The following KCNIP4 variants were observed in gnomAD, a reference collection of about 807,000 sequenced individuals.
KCNIP4 encodes potassium voltage-gated channel interacting protein 4.
Under a neutral mutation model 34.0 loss-of-function variants are expected in KCNIP4, and 12 were observed. That is an observed-to-expected ratio of 0.35 (90% CI 0.23 to 0.57). The LOEUF (loss-of-function observed/expected upper bound fraction) is 0.57, where lower values mean the gene tolerates loss of function less well. KCNIP4 is among the 20% of genes least tolerant of loss of function. KCNIP4 has a pLI of 0.83. For missense variants in KCNIP4, 238 were observed against 311.7 expected (o/e 0.76, Z 1.78); for synonymous variants, 124 against 102.2 (o/e 1.21, Z -1.29).
chr4:20,853,968 GC>G (rs1560516474), intron 2 of KCNIP4, among the ~76,000 whole-genome samples: 1 of 151,872 alleles, frequency 6.6e-6, no homozygotes, highest in Non-Finnish European at 1.5e-5. Flanking sequence ...TCCAACAATG[GC>G]CATAATCAAA....
intron 1 of KCNIP4, among the ~76,000 whole-genome samples, chr4:21,733,979 G>C (rs1461865417): frequency 6.6e-6 from 1 of 152,158 alleles, no homozygotes; most frequent in African/African-American, 2.4e-5. Flanking sequence ...TCTGCTTTCA[G>C]AAATATATGA....
At chr4:21,762,826 G>T in intron 1 of KCNIP4, 1 of 719,946 alleles carries the variant, frequency 1.4e-6, no homozygotes, top group Non-Finnish European at 2.0e-6. Context: ...ATGTTCACAT[G>T]AAGAATGTGT....
chr4:21,598,679 C>A (rs1481023320), intron 1 of KCNIP4, among the ~76,000 whole-genome samples: 1 of 151,770 alleles, frequency 6.6e-6, no homozygotes. Flanking sequence ...ACAGTGCTTC[C>A]CCCCAAAAAG....
At position 21,369,246 on chromosome 4, in the gene KCNIP4, G is replaced by T. The variant is rs141290323; in HGVS notation, c.62-486537C>A. On this transcript the variant is annotated intron_variant, in intron 1 of 8. Transcript: ENST00000382152. ...CAAAATTAACACTAAATAAATGATG[G>T]TTATCAATATTAACATTAAAGCTTT... Among the ~76,000 whole-genome samples, 254 of 147,180 alleles carry T rather than the reference G, an allele frequency of 1.7e-3. 47 individuals are homozygous for T. The highest frequency in any genetic ancestry group is 6.7e-3 in the African/African-American group (248 of 36,892).
At chr4:20,911,459 G>GC (rs1192024489) in intron 1 of KCNIP4, among the ~76,000 whole-genome samples, 2 of 152,170 alleles carry the variant, frequency 1.3e-5, no homozygotes, top group African/African-American at 4.8e-5. Flanking sequence ...ATGTCTAGTG[G>GC]CTTGAGATGG....
intron 4 of KCNIP4, among the ~76,000 whole-genome samples, chr4:20,751,346 G>A (rs991065431): frequency 6.6e-6 from 1 of 152,122 alleles, no homozygotes; most frequent in African/African-American, 2.4e-5. Context: ...ATGGAGCCAG[G>A]AGTTTAATTA....
At chr4:21,008,679 A>T (rs1284175302) in intron 1 of KCNIP4, among the ~76,000 whole-genome samples, 1 of 148,752 alleles carries the variant, frequency 6.7e-6, no homozygotes, top group Non-Finnish European at 1.5e-5. Context: ...GCCCGCCACC[A>T]CGCCCGGCTA....
At chr4:21,159,311 T>G (rs1753403257) in intron 1 of KCNIP4, among the ~76,000 whole-genome samples, 1 of 152,184 alleles carries the variant, frequency 6.6e-6, no homozygotes, top group Admixed American at 6.5e-5. Flanking sequence ...ATGTAGAATA[T>G]TGATTTTTAA....
At chr4:20,916,306 T>G in intron 1 of KCNIP4, 2 of 983,968 alleles carry the variant, frequency 2.0e-6, no homozygotes, top group Non-Finnish European at 2.4e-6. Context: ...TCAGAGTGGC[T>G]TTTTAGAAGT....
At chr4:21,186,964 C>T (rs1356859429) in intron 1 of KCNIP4, among the ~76,000 whole-genome samples, 1 of 152,134 alleles carries the variant, frequency 6.6e-6, no homozygotes, top group Non-Finnish European at 1.5e-5. Context: ...AATAGCCCAA[C>T]TTCACAGGAT....
At chr4:21,737,329 T>C (rs1406396281) in intron 1 of KCNIP4, among the ~76,000 whole-genome samples, 1 of 152,196 alleles carries the variant, frequency 6.6e-6, no homozygotes, top group East Asian at 1.9e-4. Flanking sequence ...TGTTCACACA[T>C]ATATTGCTCT....
intron 1 of KCNIP4, among the ~76,000 whole-genome samples, chr4:21,055,407 T>C (rs938113585): frequency 6.6e-6 from 1 of 152,202 alleles, no homozygotes; most frequent in Non-Finnish European, 1.5e-5. Flanking sequence ...ATCCAGCAAT[T>C]GTACTCCTTG....
intron 1 of KCNIP4, among the ~76,000 whole-genome samples, chr4:21,372,104 T>C (rs1046840537): frequency 2.7e-5 from 4 of 147,322 alleles, no homozygotes; most frequent in Non-Finnish European, 4.4e-5. Context: ...AATTAGTTAT[T>C]TGAATGGACA....
intron 1 of KCNIP4, among the ~76,000 whole-genome samples, chr4:21,879,062 G>C (rs1236068592): frequency 2.0e-5 from 3 of 152,102 alleles, no homozygotes. Context: ...TTTTTGGGTA[G>C]AGCTCTTTCT....
At chr4:21,423,974 A>ATTT (rs548252863) in intron 1 of KCNIP4, among the ~76,000 whole-genome samples, 1 of 144,932 alleles carries the variant, frequency 6.9e-6, no homozygotes, top group Admixed American at 6.9e-5. Context: ...TGCCCGGCCA[A>ATTT]TTTTTTTTTT....
chr4:21,239,619 A>G (rs1759645881), intron 1 of KCNIP4, among the ~76,000 whole-genome samples: 2 of 152,356 alleles, frequency 1.3e-5, no homozygotes, highest in African/African-American at 2.4e-5. Context: ...CAGACACATG[A>G]AAAAATGCTC....
At chr4:21,346,473 A>C (rs1717433879) in intron 1 of KCNIP4, among the ~76,000 whole-genome samples, 1 of 150,610 alleles carries the variant, frequency 6.6e-6, no homozygotes. Flanking sequence ...TGATGTGGAA[A>C]TGAATTTCAA....
chr4:21,036,139 C>T (rs540120433), intron 1 of KCNIP4, among the ~76,000 whole-genome samples: 2 of 152,260 alleles, frequency 1.3e-5, no homozygotes, highest in East Asian at 1.9e-4. Flanking sequence ...TAATCTTTGC[C>T]ACAGAGTCTG....
intron 1 of KCNIP4, among the ~76,000 whole-genome samples, chr4:21,396,705 A>G (rs1723043342): frequency 1.3e-5 from 2 of 152,150 alleles, no homozygotes; most frequent in South Asian, 4.2e-4. Flanking sequence ...TTACAAGAAA[A>G]CAACAGCAAG....
Sources: allele counts gnomAD v4.1 joint callset (sites outside exome capture counted in the v4.1 genomes callset), GRCh38; gene constraint gnomAD v4.1.1; transcripts MANE v1.5; gene names NCBI Gene and HGNC (gene_info 2026-07-23, HGNC 2026-07-21).